Variants in CNTN2 observed in about 807,000 individuals in gnomAD.
CNTN2 encodes contactin-2.
Under a neutral mutation model 117.5 loss-of-function variants are expected in CNTN2, and 53 were observed. That is an observed-to-expected ratio of 0.45 (90% CI 0.36 to 0.57). The LOEUF (loss-of-function observed/expected upper bound fraction) is 0.57. Among genes scored for constraint, CNTN2 ranks in the 20% least tolerant of loss-of-function variants. The pLI, the probability that CNTN2 is intolerant of heterozygous loss-of-function variation, is 0.00. For synonymous variants in CNTN2, 530 were observed against 561.7 expected (o/e 0.94, Z 0.80); for missense variants, 1,106 against 1,404.3 (o/e 0.79, Z 3.39).
At chr1:205,069,431 G>A in intron 16 of CNTN2, 60 bp from the exon 17 acceptor site, 2 of 1,564,132 alleles carry the variant, frequency 1.3e-6, no homozygotes, top group Non-Finnish European at 1.8e-6. Flanking sequence ...ACAGGCTCAG[G>A]GCTTTCATTT....
rs754859132 is a variant in CNTN2 at position 205,069,919 on chromosome 1, G to T, written c.2289G>T (p.Val763=). 2 of 1,613,680 alleles carry T rather than the reference G, an allele frequency of 1.2e-6. No homozygotes were observed. The highest frequency in any genetic ancestry group is 1.3e-5 in the African/African-American group (1 of 74,920). The change falls in exon 18 of 23, where the codon GTG becomes GTT. Residue 763 remains valine, a synonymous_variant. Coordinates refer to ENST00000331830, the MANE Select transcript of CNTN2 (RefSeq NM_005076.5). ...QGSTHWQTAR[V]PGADAQYFVY... ...GCACTCACTGGCAGACCGCCCGGGT[G>T]CCTGGCGCCGATGCCCAGTACTTTG...
chr1:205,049,723 T>G (rs2151183264), intron 1 of CNTN2, among the ~76,000 whole-genome samples: 1 of 152,328 alleles, frequency 6.6e-6, no homozygotes, highest in African/African-American at 2.4e-5. Context: ...AAATGATGAT[T>G]GAGCACCTTC....
rs542528640 is a variant in CNTN2 at position 205,052,276 on chromosome 1, G to A, written c.-86-824G>A. Among the ~76,000 whole-genome samples, 5 of 152,344 alleles carry A rather than the reference G, an allele frequency of 3.3e-5. No individual in the cohort carries two copies. The South Asian group carries it at 8.3e-4, about 25-fold the overall frequency. On this transcript the variant is annotated intron_variant, in intron 1 of 22. Coordinates refer to ENST00000331830, the MANE Select transcript of CNTN2 (RefSeq NM_005076.5). ...AGGAAAGTCCTCCCAGGGACTGGGA[G>A]TGAACGGGGAGGCTGGCTCTGCCCC...
chr1:205,056,732 A>G lies in CNTN2; in HGVS notation c.71-1189A>G, dbSNP rs150354291. On this transcript the variant is annotated intron_variant, in intron 2 of 22. Coordinates refer to ENST00000331830, the MANE Select transcript of CNTN2 (RefSeq NM_005076.5). Reference sequence around the variant, plus strand: ...TCCCACCTGACACCGCAGAAGCAAAACGGACTGGCCCCACCAGTCAGCAGA... The same window carrying G: ...TCCCACCTGACACCGCAGAAGCAAAGCGGACTGGCCCCACCAGTCAGCAGA... Among the ~76,000 whole-genome samples the G allele has an allele frequency of 7.0e-4, 107 of 152,206 alleles. 3 individuals are homozygous for G. The East Asian group carries it at 0.016, about 23-fold the overall frequency.
At chr1:205,046,122 G>A (rs753235661) in intron 1 of CNTN2, among the ~76,000 whole-genome samples, 6 of 152,070 alleles carry the variant, frequency 3.9e-5, no homozygotes, top group African/African-American at 1.4e-4. Flanking sequence ...TGTGGGCTCC[G>A]TATCCTGACG....
rs1042366915 is a variant in CNTN2, at chr1:205,065,369, G to A, written c.1695+107G>A. The A allele has an allele frequency of 4.2e-5, 51 of 1,203,538 alleles. No homozygotes were observed. Among genetic ancestry groups the A allele is most frequent in the East Asian group, 2.6e-4 (11 of 42,638 alleles). The allele number at this position is 1,203,538 out of a possible 1,614,324, so 74.6% of individuals were successfully genotyped here. On this transcript the variant is annotated intron_variant, in intron 13 of 22. Transcript: ENST00000331830. The surrounding 1 kb of genome is among the most constrained non-coding windows in gnomAD (Gnocchi z 4.1). ...CCTTTAAGAAACCCATAGCCTAAGC[G>A]CCCCCATTCCCTCAGGCCCACACAT...
Position 205,069,546 on chromosome 1 carries a change from C to T in CNTN2, c.2181C>T (p.Leu727=), listed in dbSNP as rs1654474451. ...GAGGAGGTGGAGCCCCCGGAGAGCT[C>T]ATCGTCAACTGGACGGTAAGCTGCA... ...LSGGGGAPGE[L]IVNWTPMSRE... Residue 727 remains leucine, a synonymous_variant, in exon 17 of 23, where the codon CTC becomes CTT. Coordinates refer to ENST00000331830, the MANE Select transcript of CNTN2 (RefSeq NM_005076.5). 1.2e-6 allele frequency: 2 copies of T among 1,613,700 alleles called. No individual in the cohort carries two copies. The highest frequency in any genetic ancestry group is 1.7e-6 in the Non-Finnish European group (2 of 1,180,028).
At position 205,066,026 on chromosome 1, in the gene CNTN2, G is replaced by A. The variant is rs111832293; in HGVS notation, c.1816+117G>A. The A allele has an allele frequency of 3.0e-5, 38 of 1,257,800 alleles. No homozygotes were observed. In the African/African-American group the frequency reaches 3.2e-4, roughly 11 times the overall value. 77.9% of individuals were successfully genotyped at this position (1,257,800 alleles called of 1,614,324 possible). A position where few individuals can be genotyped will look rare whatever the true frequency, so the allele number is the denominator to read the frequency against. On this transcript the variant is annotated intron_variant, in intron 14 of 22. Transcript: ENST00000331830. ...CTCAAAGCTGCGGGGAAGGGCTTCC[G>A]GCGGAACTCCTGTGAGCTGGATATA...
chr1:205,055,869 A>C (rs2096460078), intron 2 of CNTN2, among the ~76,000 whole-genome samples: 2 of 152,196 alleles, frequency 1.3e-5, no homozygotes, highest in South Asian at 2.1e-4. Flanking sequence ...GTATGGGATA[A>C]ATAGTAAGCA....
At chr1:205,062,637 T>G in intron 10 of CNTN2, 68 bp downstream of exon 10, 3 of 1,547,390 alleles carry the variant, frequency 1.9e-6, no homozygotes, top group Non-Finnish European at 2.6e-6. Context: ...AGCTCTGAGT[T>G]TAGGTGTTTC....
intron 1 of CNTN2, among the ~76,000 whole-genome samples, chr1:205,051,232 G>A (rs536048397): frequency 3.9e-5 from 6 of 152,354 alleles, no homozygotes; most frequent in African/African-American, 1.4e-4. Flanking sequence ...TCTCCCCTGG[G>A]CAGCTCAGAA....
At chr1:205,066,383 T>C in intron 14 of CNTN2, 58 bp from the exon 15 acceptor site, 1 of 1,585,062 alleles carries the variant, frequency 6.3e-7, no homozygotes, top group Non-Finnish European at 8.6e-7. Context: ...GGGAGGAGGT[T>C]GGCTCAAATT....
chr1:205,069,540 A>C lies in CNTN2; in HGVS notation c.2175A>C (p.Gly725=). The change falls in exon 17 of 23, where the codon GGA becomes GGC. Residue 725 remains glycine, a synonymous_variant. Coordinates refer to ENST00000331830, the MANE Select transcript of CNTN2 (RefSeq NM_005076.5). ...TCAGCGGAGGAGGTGGAGCCCCCGGAGAGCTCATCGTCAACTGGACGGTAA... is the reference window on the plus strand; with the variant it reads ...TCAGCGGAGGAGGTGGAGCCCCCGGCGAGCTCATCGTCAACTGGACGGTAA... The part of the protein sequence containing the change: ...SGLSGGGGAP[G]ELIVNWTPMS... The C allele has an allele frequency of 6.2e-7, 1 of 1,613,802 alleles. No homozygotes were observed. The highest frequency in any genetic ancestry group is 8.5e-7 in the Non-Finnish European group (1 of 1,180,006).
At chr1:205,056,720 C>T (rs1375975851) in intron 2 of CNTN2, among the ~76,000 whole-genome samples, 5 of 152,196 alleles carry the variant, frequency 3.3e-5, no homozygotes, top group East Asian at 3.9e-4. Context: ...CACCTGACAC[C>T]GCAGAAGCAA....
At chr1:205,066,334 G>A in intron 14 of CNTN2, 107 bp from the exon 15 acceptor site, 1 of 1,364,942 alleles carries the variant, frequency 7.3e-7, no homozygotes, top group Admixed American at 2.1e-5. Context: ...TGCATCCTCT[G>A]CTGCCCTGTC....
Position 205,058,271 on chromosome 1 carries a change from G to A in CNTN2, c.306G>A (p.Lys102=), listed in dbSNP as rs755421629. Residue 102 remains lysine, a synonymous_variant, in exon 4 of 23, where the codon AAG becomes AAA. Coordinates refer to ENST00000331830, the MANE Select transcript of CNTN2 (RefSeq NM_005076.5). The surrounding 1 kb of genome is among the most constrained non-coding windows in gnomAD (Gnocchi z 4.3). The stretch of plus-strand genomic sequence containing the variant: ...ACCTGGTCATCATGAACCCCACCAA[G>A]GCACAGGATGCCGGGGTCTACCAGT... ...GGNLVIMNPT[K]AQDAGVYQCL... 6.5e-7 allele frequency: 1 copy of A among 1,540,032 alleles called. No homozygotes were observed. Among genetic ancestry groups the A allele is most frequent in the East Asian group, 2.3e-5 (1 of 44,230 alleles).
At chr1:205,062,290 C>T (rs1654032185) in intron 9 of CNTN2, 150 bp from the exon 10 acceptor site, 1 of 1,152,818 alleles carries the variant, frequency 8.7e-7, no homozygotes, top group Non-Finnish European at 1.2e-6. Flanking sequence ...TCCTGAGGTT[C>T]CAGGCAGCCC....
chr1:205,061,723 C>G lies in CNTN2; in HGVS notation c.974-142C>G, dbSNP rs1653992096. ...TGTGCCTCCTTCTTCCGGCCCCCTC[C>G]TCTTTGTCCTCTCCATCTCAGAATG... On this transcript the variant is annotated intron_variant, in intron 8 of 22. Coordinates refer to ENST00000331830, the MANE Select transcript of CNTN2 (RefSeq NM_005076.5). This position sits in a 1 kb window ranked among gnomAD's most constrained non-coding sequence, Gnocchi z 4.8. 6 of 1,138,384 alleles carry G rather than the reference C, an allele frequency of 5.3e-6. No individual in the cohort carries two copies. In the South Asian group the frequency reaches 1.0e-4, roughly 19 times the overall value. The allele number at this position is 1,138,384 out of a possible 1,614,324, so 70.5% of individuals were successfully genotyped here.
At chr1:205,051,622 C>T (rs981414165) in intron 1 of CNTN2, among the ~76,000 whole-genome samples, 1 of 152,102 alleles carries the variant, frequency 6.6e-6, no homozygotes, top group Non-Finnish European at 1.5e-5. Flanking sequence ...CCAACGCCCC[C>T]CACCCCCAGC....
Sources: allele counts gnomAD v4.1 joint callset (sites outside exome capture counted in the v4.1 genomes callset), GRCh38; gene constraint gnomAD v4.1.1; non-coding constraint Gnocchi (gnomAD v3.1); transcripts MANE v1.5; gene names NCBI Gene and HGNC (gene_info 2026-07-23, HGNC 2026-07-21).